Variants in LDB2 observed in about 807,000 individuals in gnomAD.
LDB2 encodes the protein LIM domain binding 2, also known as LIM domain-binding protein 2.
In LDB2, 12 loss-of-function variants were observed where a neutral mutation model predicts 44.3. That is an observed-to-expected ratio of 0.27 (90% confidence interval 0.17 to 0.44). LDB2 has a LOEUF of 0.44. Ranked by LOEUF, LDB2 falls within the 20% of genes least tolerant of loss-of-function variation. The pLI, the probability that LDB2 is intolerant of heterozygous loss-of-function variation, is 1.00. For synonymous variants in LDB2, 164 were observed against 174.8 expected, an observed-to-expected ratio of 0.94 and a Z score of 0.49; for missense variants, 344 against 473.5, an observed-to-expected ratio of 0.73 and a Z score of 2.54.
chr4:16,591,037 C>T (rs953714200), intron 3 of LDB2, among the ~76,000 whole-genome samples: 2 of 152,130 alleles, frequency 1.3e-5, no homozygotes, highest in South Asian at 4.1e-4. Flanking sequence ...GGGGAGCCAT[C>T]AACAGTGAAG....
intron 2 of LDB2, among the ~76,000 whole-genome samples, chr4:16,695,033 TCGTTAGTTAGTTTTGC>T (rs1751770486): frequency 6.6e-6 from 1 of 152,198 alleles, no homozygotes; most frequent in African/African-American, 2.4e-5. Flanking sequence ...GCCTATTGTT[TCGTTAGTTAGTTTTGC>T]AAGTTGCATT....
chr4:16,754,395 A>G (rs1256425109), intron 2 of LDB2, among the ~76,000 whole-genome samples: 1 of 152,238 alleles, frequency 6.6e-6, no homozygotes, highest in East Asian at 1.9e-4. Context: ...TTTTCAATGC[A>G]TAGAAGCTAT....
At chr4:16,764,783 T>C (rs920993798) in intron 1 of LDB2, among the ~76,000 whole-genome samples, 11 of 152,294 alleles carry the variant, frequency 7.2e-5, no homozygotes, top group Non-Finnish European at 1.6e-4. Flanking sequence ...TGGCCCATTC[T>C]CCTTTTGGAC....
chr4:16,630,941 G>T (rs975873132), intron 2 of LDB2, among the ~76,000 whole-genome samples: 5 of 152,162 alleles, frequency 3.3e-5, no homozygotes, highest in Admixed American at 6.6e-5. Flanking sequence ...CATAAAGCAA[G>T]TTCTTAGAGA....
intron 2 of LDB2, among the ~76,000 whole-genome samples, chr4:16,665,708 T>C (rs760578981): frequency 9.2e-5 from 14 of 152,118 alleles, no homozygotes; most frequent in Non-Finnish European, 1.5e-4. Flanking sequence ...GTTTCAATAG[T>C]AGCCCCTAAA....
chr4:16,638,249 C>CT (rs1438680002), intron 2 of LDB2, among the ~76,000 whole-genome samples: 1 of 152,188 alleles, frequency 6.6e-6, no homozygotes, highest in Non-Finnish European at 1.5e-5. Context: ...CAGCCCCACA[C>CT]TTTCACTTGG....
At chr4:16,706,852 T>C (rs758100115) in intron 2 of LDB2, among the ~76,000 whole-genome samples, 11 of 152,134 alleles carry the variant, frequency 7.2e-5, no homozygotes, top group Non-Finnish European at 1.2e-4. Flanking sequence ...TCAAGGCAGA[T>C]AGGGTGACAG....
intron 2 of LDB2, among the ~76,000 whole-genome samples, chr4:16,684,140 T>C (rs1377655631): frequency 2.0e-5 from 3 of 152,194 alleles, no homozygotes; most frequent in African/African-American, 4.8e-5. Flanking sequence ...TCACAGTTAA[T>C]GTGATGGGCT....
chr4:16,750,574 C>CT (rs58567396), intron 2 of LDB2, among the ~76,000 whole-genome samples: 28,650 of 151,916 alleles, frequency 0.19, 3,303 homozygotes, highest in Middle Eastern at 0.36. Flanking sequence ...ATCTCTTAGT[C>CT]TTTTTTGTAT....
At chr4:16,837,475 A>G (rs1785078979) in intron 1 of LDB2, among the ~76,000 whole-genome samples, 1 of 152,174 alleles carries the variant, frequency 6.6e-6, no homozygotes, top group South Asian at 2.1e-4. Flanking sequence ...TTGACTCTGG[A>G]CCTAGCTACA....
At chr4:16,752,372 AT>A (rs1458127662) in intron 2 of LDB2, 6 of 448,634 alleles carry the variant, frequency 1.3e-5, no homozygotes, top group Non-Finnish European at 2.7e-5. Flanking sequence ...AGATGTGGTA[AT>A]TGTAATTGTT....
intron 5 of LDB2, among the ~76,000 whole-genome samples, chr4:16,540,394 T>C (rs1201757002): frequency 6.6e-6 from 1 of 152,112 alleles, no homozygotes; most frequent in African/African-American, 2.4e-5. Flanking sequence ...AAAGCAAAAA[T>C]GTGTTTATTA....
intron 2 of LDB2, among the ~76,000 whole-genome samples, chr4:16,671,443 C>T (rs760677888): frequency 1.3e-5 from 2 of 152,122 alleles, no homozygotes; most frequent in African/African-American, 2.4e-5. Flanking sequence ...GCTACTGTCA[C>T]CCCCCAGAAA....
chr4:16,553,005 C>G (rs1409145921), intron 5 of LDB2, among the ~76,000 whole-genome samples: 6 of 152,186 alleles, frequency 3.9e-5, no homozygotes, highest in African/African-American at 1.4e-4. Context: ...ATCACTCTCA[C>G]ACATCCAGTG....
intron 2 of LDB2, among the ~76,000 whole-genome samples, chr4:16,614,637 T>G (rs1267527088): frequency 8.4e-6 from 1 of 119,104 alleles, no homozygotes; most frequent in African/African-American, 3.0e-5. Flanking sequence ...GCAAAGGATA[T>G]GAACAGATAC....
chr4:16,583,154 G>T (rs1245214754), intron 5 of LDB2, among the ~76,000 whole-genome samples: 1 of 152,172 alleles, frequency 6.6e-6, no homozygotes, highest in Non-Finnish European at 1.5e-5. Flanking sequence ...CCGTGAGAAT[G>T]ATTAGAATTT....
chr4:16,896,155 G>C (rs1039762321), intron 1 of LDB2, among the ~76,000 whole-genome samples: 6 of 152,118 alleles, frequency 3.9e-5, no homozygotes, highest in Non-Finnish European at 8.8e-5. Context: ...GTTACAGGCA[G>C]GGAGGTTTAA....
At chr4:16,806,381 G>A (rs1778796682) in intron 1 of LDB2, among the ~76,000 whole-genome samples, 2 of 152,136 alleles carry the variant, frequency 1.3e-5, no homozygotes, top group South Asian at 4.1e-4. Flanking sequence ...GTTCTCCAGA[G>A]ATCCAGCTCA....
intron 2 of LDB2, among the ~76,000 whole-genome samples, chr4:16,612,108 A>G (rs544492385): frequency 2.0e-5 from 3 of 152,326 alleles, no homozygotes; most frequent in South Asian, 2.1e-4. Context: ...CTGCTTCTGA[A>G]TGACTCCTGG....
Sources: gnomAD v4.1 joint callset for allele counts (sites outside exome capture counted in the v4.1 genomes callset) on GRCh38, gnomAD v4.1.1 for gene constraint, MANE v1.5 for transcripts, NCBI Gene and HGNC (gene_info 2026-07-23, HGNC 2026-07-21) for gene names.